Variants in FAM3A observed in about 807,000 individuals in gnomAD.
FAM3A encodes the protein protein FAM3A.
FAM3A carries 5 observed loss-of-function variants against 18.1 expected under a neutral mutation model. That is an observed-to-expected ratio of 0.28 (90% CI 0.14 to 0.58). FAM3A has a LOEUF of 0.58. Ranked by LOEUF, FAM3A falls within the 20% of genes least tolerant of loss-of-function variation. FAM3A has a pLI of 0.91. For synonymous variants in FAM3A, 108 were observed against 90.2 expected (o/e 1.20, Z -1.12); for missense variants, 154 against 216.6 (o/e 0.71, Z 1.81).
chrX:154,507,498 G>C lies in FAM3A; in HGVS notation c.386-8C>G, dbSNP rs782618490. 69 of 1,205,168 alleles carry C rather than the reference G, an allele frequency of 5.7e-5. No homozygotes were observed. The East Asian group carries it at 1.6e-3, about 28-fold the overall frequency. ...TCAACAGGTCGTTGACATCTGGGGG[G>C]GCAGGTGCCACGGAACAGGGGTCAT... On this transcript the variant is annotated splice_region_variant and splice_polypyrimidine_tract_variant and intron_variant, in intron 6 of 8. Transcript: ENST00000447601.
rs1557220855 is a variant in FAM3A, at chrX:154,508,615, G to T, written c.152-18C>A. The stretch of plus-strand genomic sequence containing the variant: ...CCGTGGCGCTGGGCAGGGATAGCAG[G>T]TGTTATCCATGGGCCTGGCCCTGAG... On this transcript the variant is annotated intron_variant, in intron 3 of 8. Coordinates refer to ENST00000447601, the MANE Select transcript of FAM3A (RefSeq NM_021806.4). 8.5e-7 allele frequency: 1 copy of T among 1,179,127 alleles called. No individual in the cohort carries two copies. The highest frequency in any genetic ancestry group is 1.9e-5 in the South Asian group (1 of 53,487).
rs2070172119 is a variant in FAM3A, at chrX:154,515,939, G to T, written c.-167C>A. The T allele has an allele frequency of 2.0e-6, 1 of 501,196 alleles. No individual in the cohort carries two copies. The allele number at this position is 501,196 out of a possible 1,213,427, so 41.3% of individuals were successfully genotyped here. On this transcript the variant is annotated 5_prime_UTR_variant, in exon 1 of 9. Coordinates refer to ENST00000447601, the MANE Select transcript of FAM3A (RefSeq NM_021806.4). Reference sequence around the variant, plus strand: ...TTGTCCAGCCGCCCGGCCAGGCAGGGCTCCTCGGAAACGCGCGGGGAAACC... The same window carrying T: ...TTGTCCAGCCGCCCGGCCAGGCAGGTCTCCTCGGAAACGCGCGGGGAAACC...
At chrX:154,506,953 G>C (rs1557218884) in intron 8 of FAM3A, 47 bp from the exon 9 acceptor site, 7 of 1,080,168 alleles carry the variant, frequency 6.5e-6, no homozygotes, top group South Asian at 1.9e-5. Context: ...CTCAGGGACA[G>C]GGGACAGGAG....
intron 3 of FAM3A, chrX:154,508,965 G>A: frequency 3.6e-6 from 1 of 276,055 alleles, no homozygotes. Flanking sequence ...TGTGGCAGGG[G>A]GTGCAGCCTG....
At chrX:154,513,332 C>T (rs1234617455) in intron 1 of FAM3A, among the ~76,000 whole-genome samples, 1 of 111,594 alleles carries the variant, frequency 9.0e-6, no homozygotes, top group Non-Finnish European at 1.9e-5. Context: ...GTCCCTACTC[C>T]CTTTTAAGAC....
Position 154,506,815 on chromosome X carries a change from C to T in FAM3A, c.689G>A (p.Ser230Asn). 1.7e-6 allele frequency: 2 copies of T among 1,209,654 alleles called. No homozygotes were observed. Among genetic ancestry groups the T allele is most frequent in the Non-Finnish European group, 2.2e-6 (2 of 893,432 alleles). The stretch of plus-strand genomic sequence containing the variant: ...CCGGTCCTGGCACTGGCCGTGCTAG[C>T]TGGCCGTGCTTCTCCGCGGGATACA... ...EGCIPRRSTAS is the reference protein window; with the variant it reads ...EGCIPRRSTAN The change falls in exon 9 of 9, where the codon AGC becomes AAC. Residue 230 changes from serine (S) to asparagine (N), a missense_variant. This residue lies in a region of FAM3A where 39 missense variants were observed against 38.5 expected (regional missense o/e 1.01). Transcript: ENST00000447601.
intron 3 of FAM3A, chrX:154,510,328 A>C (rs1230830681): frequency 9.0e-6 from 1 of 111,257 alleles, no homozygotes; most frequent in Non-Finnish European, 1.9e-5. Context: ...GTGAGAGAGC[A>C]AGACCCTGTC....
At chrX:154,512,009 G>T in intron 2 of FAM3A, 138 bp from the exon 3 acceptor site, 1 of 495,863 alleles carries the variant, frequency 2.0e-6, no homozygotes, top group Non-Finnish European at 3.5e-6. Flanking sequence ...GCCGACCTTG[G>T]CATGCTTCCT....
rs1557218817 is a variant in FAM3A at position 154,506,911 on chromosome X, G to A, written c.598-5C>T. ...GTGCTTACTGTTCTTCACGTGCTGT[G>A]GGGAGGGGAGCAGAAAGTCATGACT... On this transcript the variant is annotated splice_region_variant and splice_polypyrimidine_tract_variant and intron_variant, in intron 8 of 8. Coordinates refer to ENST00000447601, the MANE Select transcript of FAM3A (RefSeq NM_021806.4). 3.3e-6 allele frequency: 4 copies of A among 1,199,517 alleles called. No individual in the cohort carries two copies. Among genetic ancestry groups the A allele is most frequent in the Non-Finnish European group, 4.5e-6 (4 of 885,890 alleles).
intron 1 of FAM3A, among the ~76,000 whole-genome samples, chrX:154,514,329 C>T (rs913628486): frequency 2.7e-5 from 3 of 111,396 alleles, no homozygotes; most frequent in Non-Finnish European, 3.8e-5. Context: ...CTGCAACCTC[C>T]GCCTCCTGGG....
At chrX:154,512,741 C>G (rs2069961581) in intron 2 of FAM3A, 82 bp downstream of exon 2, 1 of 687,961 alleles carries the variant, frequency 1.5e-6, no homozygotes, top group African/African-American at 2.1e-5. Context: ...CAAGTCAACT[C>G]CCAACCCAGA....
Position 154,506,486 on chromosome X carries a change from G to A in FAM3A, c.*325C>T, listed in dbSNP as rs1033568523. On this transcript the variant is annotated 3_prime_UTR_variant, in exon 9 of 9. Transcript: ENST00000447601. ...CAGTGAGGGGCAGGCACCCAGGGCC[G>A]TTCCAGGACTCAAGATGGGGATGGA... 3.8e-4 allele frequency: 107 copies of A among 278,505 alleles called. No individual in the cohort carries two copies. Among genetic ancestry groups the A allele is most frequent in the African/African-American group, 6.8e-4 (25 of 36,909 alleles). 23.0% of individuals were successfully genotyped at this position (278,505 alleles called of 1,213,427 possible). A position where few individuals can be genotyped will look rare whatever the true frequency, so the allele number is the denominator to read the frequency against.
At chrX:154,507,940 G>A (rs1274807323) in intron 5 of FAM3A, 79 bp from the exon 6 acceptor site, 30 of 876,635 alleles carry the variant, frequency 3.4e-5, no homozygotes, top group Non-Finnish European at 4.8e-5. Flanking sequence ...CCGGGGGTGG[G>A]GGGCAGCCCT....
chrX:154,514,552 C>T lies in FAM3A; in HGVS notation c.13+1208G>A, dbSNP rs187216526. Among the ~76,000 whole-genome samples, 22 of 111,775 alleles carry T rather than the reference C, an allele frequency of 2.0e-4. No homozygotes were observed. In the East Asian group the frequency reaches 2.3e-3, roughly 11 times the overall value. ...CCTGGTAGCTGGGACTACAGGCGCC[C>T]GCCACCACGCCCGGCTAATTTTTTT... On this transcript the variant is annotated intron_variant, in intron 1 of 8. Transcript: ENST00000447601.
At chrX:154,507,676 G>C (rs782578360) in intron 6 of FAM3A, 135 bp downstream of exon 6, 4 of 829,355 alleles carry the variant, frequency 4.8e-6, no homozygotes, top group Non-Finnish European at 7.0e-6. Flanking sequence ...CCAAGCTGGC[G>C]ATGCCCCTGT....
In FAM3A at chrX:154,507,411, G is replaced by A; in HGVS notation, c.465C>T (p.Ala155=). Reference sequence around the variant, plus strand: ...TGGCCTCCCCAAGCACCTACTTGGTGGCTGGGTCGTCGTAGGATGCCACGA... The same window carrying A: ...TGGCCTCCCCAAGCACCTACTTGGTAGCTGGGTCGTCGTAGGATGCCACGA... ...LVFVASYDDP[A]TKMNEETRKL... The change falls in exon 7 of 9, where the codon GCC becomes GCT. Residue 155 remains alanine, a synonymous_variant. Coordinates refer to ENST00000447601, the MANE Select transcript of FAM3A (RefSeq NM_021806.4). 2 of 1,211,674 alleles carry A rather than the reference G, an allele frequency of 1.7e-6. No individual in the cohort carries two copies. The highest frequency in any genetic ancestry group is 2.2e-6 in the Non-Finnish European group (2 of 895,407).
At position 154,506,909 on chromosome X, in the gene FAM3A, G is replaced by A. The variant is rs377295932; in HGVS notation, c.598-3C>T. ...CTGTGCTTACTGTTCTTCACGTGCT[G>A]TGGGGAGGGGAGCAGAAAGTCATGA... On this transcript the variant is annotated splice_region_variant and splice_polypyrimidine_tract_variant and intron_variant, in intron 8 of 8. Transcript: ENST00000447601. 81 of 1,200,913 alleles carry A rather than the reference G, an allele frequency of 6.7e-5. No individual in the cohort carries two copies. The East Asian group carries it at 1.6e-3, about 24-fold the overall frequency.
intron 8 of FAM3A, 34 bp downstream of exon 8, chrX:154,507,168 GC>G (rs1156376813): frequency 1.7e-6 from 2 of 1,175,820 alleles, no homozygotes. Flanking sequence ...GCGACAGGCT[GC>G]CCCGGTGGGG....
intron 2 of FAM3A, 125 bp from the exon 3 acceptor site, chrX:154,511,996 C>T: frequency 1.8e-6 from 1 of 561,643 alleles, no homozygotes; most frequent in East Asian, 3.5e-5. Flanking sequence ...GGGGCTAAGC[C>T]AGGCCGACCT....
Sources: allele counts gnomAD v4.1 joint callset (sites outside exome capture counted in the v4.1 genomes callset), GRCh38; gene constraint gnomAD v4.1.1; regional missense constraint gnomAD v4.1.1; transcripts MANE v1.5; gene names NCBI Gene and HGNC (gene_info 2026-07-23, HGNC 2026-07-21).